The following KLHL12 variants were observed in gnomAD, a reference collection of about 807,000 sequenced individuals.
KLHL12 encodes kelch-like protein 12.
A neutral mutation model predicts 60.8 loss-of-function variants in KLHL12; 17 were observed. The ratio of observed to expected loss-of-function variants is 0.28; its 90% confidence interval spans 0.19 to 0.42. KLHL12 has a LOEUF of 0.42. Among genes scored for constraint, KLHL12 ranks in the 10% least tolerant of loss-of-function variants. The pLI is 1.00. For missense variants in KLHL12, 468 were observed against 722.3 expected, an observed-to-expected ratio of 0.65 and a Z score of 4.04; for synonymous variants, 220 against 250.9, an observed-to-expected ratio of 0.88 and a Z score of 1.16.
At position 202,908,008 on chromosome 1, in the gene KLHL12, C is replaced by T. The variant is rs988053786; in HGVS notation, c.832+1002G>A. 5.9e-5 allele frequency among the ~76,000 whole-genome samples: 9 copies of T among 152,128 alleles called. 1 individual carries two copies. Among genetic ancestry groups the T allele is most frequent in the Admixed American group, 5.9e-4 (9 of 15,270 alleles). On this transcript the variant is annotated intron_variant, in intron 6 of 11. Transcript: ENST00000367261. ...TAACACCTTAGCACGCATCATGAGT[C>T]CTCAGTCAGATAAAAGGAAACAATA...
chr1:202,911,271 C>A (rs1660346922), intron 4 of KLHL12, 68 bp from the exon 5 acceptor site: 2 of 1,539,216 alleles, frequency 1.3e-6, no homozygotes, highest in East Asian at 4.6e-5. Context: ...AAAACGTAAC[C>A]ACGTTCACTT....
chr1:202,918,423 A>G (rs1474428050), intron 3 of KLHL12, 35 bp from the exon 4 acceptor site: 1 of 1,503,488 alleles, frequency 6.7e-7, no homozygotes, highest in Non-Finnish European at 9.3e-7. Flanking sequence ...ACTTTAGAAT[A>G]GTTGGACAGG....
chr1:202,928,017 C>A (rs1442741619), upstream of KLHL12, among the ~76,000 whole-genome samples: 5 of 144,418 alleles, frequency 3.5e-5, no homozygotes, highest in Admixed American at 7.2e-5. Flanking sequence ...AGGTGGCTCA[C>A]GCCTGTAATC....
chr1:202,909,059 C>T lies in KLHL12; in HGVS notation c.783G>A (p.Arg261=). 1 of 1,614,008 alleles carries T rather than the reference C, an allele frequency of 6.2e-7. No individual in the cohort carries two copies. Among genetic ancestry groups the T allele is most frequent in the African/African-American group, 1.3e-5 (1 of 75,002 alleles). Residue 261 remains arginine (R), a synonymous_variant, in exon 6 of 12, where the codon AGG becomes AGA. Transcript: ENST00000367261. This position sits in a 1 kb window ranked among gnomAD's most constrained non-coding sequence, Gnocchi z 4.1. The part of the protein sequence containing the change: ...LVDEAKKFHL[R]PELRSQMQGP... ...CCTGCATCTGACTCCGAAGTTCAGG[C>T]CTCAGATGAAACTTCTTTGCTTCAT... is the stretch of plus-strand genomic sequence containing the variant.
In KLHL12 at chr1:202,904,896, G is replaced by C. The variant is rs371891349; in HGVS notation, c.832+4114C>G. ...TTATATCTTCTTTGAGACAGTAATG[G>C]GTAAGGTTAATAACTAAAAATCCCT... is the stretch of plus-strand genomic sequence containing the variant. On this transcript the variant is annotated intron_variant, in intron 6 of 11. Transcript: ENST00000367261. Among the ~76,000 whole-genome samples, 4 of 152,162 alleles carry C rather than the reference G, an allele frequency of 2.6e-5. No homozygotes were observed. The South Asian group carries it at 6.2e-4, about 24-fold the overall frequency.
At chr1:202,897,732 T>A (rs565595849) in intron 6 of KLHL12, among the ~76,000 whole-genome samples, 60 of 152,016 alleles carry the variant, frequency 3.9e-4, no homozygotes, top group Non-Finnish European at 6.3e-4. Context: ...GGATTTAAAA[T>A]CTCTTTTTCT....
chr1:202,927,144 G>A lies in KLHL12; in HGVS notation c.-101C>T, dbSNP rs550557194. ...GGCCCGTCCCCAGCCTGTGGGGATG[G>A]AGTGCGGCGCGGGGCTAGCAGGCGG... On this transcript the variant is annotated 5_prime_UTR_variant, in exon 1 of 12. Transcript: ENST00000367261. The A allele has an allele frequency of 7.9e-5, 78 of 985,450 alleles. No homozygotes were observed. In the African/African-American group the frequency reaches 1.3e-3, roughly 17 times the overall value. 61.0% of individuals were successfully genotyped at this position (985,450 alleles called of 1,614,324 possible).
At chr1:202,911,417 A>ATAT (rs201757174) in intron 4 of KLHL12, among the ~76,000 whole-genome samples, 19 of 98,850 alleles carry the variant, frequency 1.9e-4, no homozygotes, top group Non-Finnish European at 3.5e-4. Flanking sequence ...GGTTAAAAAA[A>ATAT]AAATATATAT....
At chr1:202,892,851 T>G (rs1376804518) in intron 11 of KLHL12, among the ~76,000 whole-genome samples, 192 bp from the exon 12 acceptor site, 2 of 152,078 alleles carry the variant, frequency 1.3e-5, no homozygotes, top group Non-Finnish European at 2.9e-5. Flanking sequence ...AAATTAGCCT[T>G]CTATTCCTTT....
intron 4 of KLHL12, among the ~76,000 whole-genome samples, chr1:202,916,505 G>A (rs1660525682): frequency 6.6e-6 from 1 of 152,166 alleles, no homozygotes; most frequent in Non-Finnish European, 1.5e-5. Flanking sequence ...ATTAGCTGGT[G>A]TAGTGGTGGG....
chr1:202,897,655 T>C (rs1659882133), intron 6 of KLHL12, among the ~76,000 whole-genome samples: 1 of 152,150 alleles, frequency 6.6e-6, no homozygotes, highest in African/African-American at 2.4e-5. Flanking sequence ...TTTGTTGTAA[T>C]GGGGAAAGAA....
chr1:202,920,042 G>GA, intron 2 of KLHL12, 134 bp from the exon 3 acceptor site: 2 of 799,534 alleles, frequency 2.5e-6, no homozygotes, highest in Non-Finnish European at 1.9e-6. Flanking sequence ...GGCCAGGCGT[G>GA]GTGGCTCATG....
intron 2 of KLHL12, among the ~76,000 whole-genome samples, chr1:202,923,919 T>C (rs1278218734): frequency 6.6e-6 from 1 of 151,690 alleles, no homozygotes; most frequent in Non-Finnish European, 1.5e-5. Context: ...TAAAACAGTG[T>C]TTTCATAATG....
At chr1:202,898,829 A>T (rs142122234) in intron 6 of KLHL12, among the ~76,000 whole-genome samples, 1 of 152,108 alleles carries the variant, frequency 6.6e-6, no homozygotes, top group Non-Finnish European at 1.5e-5. Context: ...TTTGAACAAC[A>T]TAAGTACTCA....
rs370636005 is a variant in KLHL12 at position 202,925,210 on chromosome 1, A to G, written c.-45-3T>C. Reference sequence around the variant, plus strand: ...AAATGGGTCCTTGGATTCTGCAACTACAAGAGGGAAAAAAAAACAATGAGC... The same window carrying G: ...AAATGGGTCCTTGGATTCTGCAACTGCAAGAGGGAAAAAAAAACAATGAGC... On this transcript the variant is annotated splice_polypyrimidine_tract_variant and splice_region_variant and intron_variant, in intron 1 of 11. Transcript: ENST00000367261. 6.7e-5 allele frequency: 108 copies of G among 1,606,648 alleles called. No homozygotes were observed. The highest frequency in any genetic ancestry group is 8.8e-5 in the Non-Finnish European group (104 of 1,177,298).
chr1:202,891,231 G>T lies in KLHL12; in HGVS notation c.*1302C>A, dbSNP rs1659666690. The T allele has an allele frequency of 6.6e-6, 1 of 152,568 alleles. No homozygotes were observed. The highest frequency in any genetic ancestry group is 1.9e-4 in the East Asian group (1 of 5,192). The allele number at this position is 152,568 out of a possible 1,614,324, so 9.5% of individuals were successfully genotyped here. On this transcript the variant is annotated 3_prime_UTR_variant, in exon 12 of 12. Coordinates refer to ENST00000367261, the MANE Select transcript of KLHL12 (RefSeq NM_021633.4). ...AAAATGGAATTTCAGAGCAAAGGTT[G>T]TTTAGGTTATCACATTCCCACACTC... is the stretch of plus-strand genomic sequence containing the variant.
chr1:202,897,297 A>G (rs1659871041), intron 6 of KLHL12, among the ~76,000 whole-genome samples: 1 of 129,952 alleles, frequency 7.7e-6, no homozygotes, highest in South Asian at 2.3e-4. Context: ...ATGCAATTCC[A>G]TGATCTCGGC....
chr1:202,913,698 G>T (rs548989151), intron 4 of KLHL12, among the ~76,000 whole-genome samples: 1 of 152,142 alleles, frequency 6.6e-6, no homozygotes, highest in African/African-American at 2.4e-5. Context: ...AAGGCCTCCC[G>T]GAAGAAGCAA....
intron 6 of KLHL12, among the ~76,000 whole-genome samples, chr1:202,899,142 G>A (rs560036577): frequency 2.0e-4 from 30 of 151,896 alleles, no homozygotes; most frequent in Admixed American, 3.3e-4. Flanking sequence ...GCAAAACCCC[G>A]TCTCTACTAA....
Sources: allele counts gnomAD v4.1 joint callset (sites outside exome capture counted in the v4.1 genomes callset), GRCh38; gene constraint gnomAD v4.1.1; non-coding constraint Gnocchi (gnomAD v3.1); transcripts MANE v1.5; gene names NCBI Gene and HGNC (gene_info 2026-07-23, HGNC 2026-07-21).